RARS2: variants seen among roughly 807,000 people sequenced by gnomAD.
RARS2 encodes probable arginine--tRNA ligase, mitochondrial.
Under a neutral mutation model 88.5 loss-of-function variants are expected in RARS2, and 67 were observed. The observed-to-expected ratio is 0.76, with a 90% CI of 0.62 to 0.93. The LOEUF (loss-of-function observed/expected upper bound fraction) is 0.93, where lower values mean the gene tolerates loss of function less well. Among genes scored for constraint, RARS2 ranks in the 40% least tolerant of loss-of-function variants. The pLI is 0.00. For missense variants in RARS2, 664 were observed against 684.2 expected (o/e 0.97, Z 0.33); for synonymous variants, 239 against 230.3 (o/e 1.04, Z -0.34).
In RARS2 at chr6:87,514,472, G is replaced by A. The variant is rs562472225; in HGVS notation, c.1678C>T (p.Arg560Cys). ...GARLHLFKAVRSVLANGMKLL... is the reference protein window; with the variant it reads ...GARLHLFKAVCSVLANGMKLL... ...TTCATTCCATTGGCTAGGACAGAAC[G>A]GACAGCTTTGAAAAGATGAAGTCTG... Residue 560 changes from arginine to cysteine, a missense_variant, in exon 20 of 20, where the codon CGT becomes TGT. Arg to Cys is a radical substitution (Grantham distance 180). Coordinates refer to ENST00000369536, the MANE Select transcript of RARS2 (RefSeq NM_020320.5). 1.9e-4 allele frequency: 311 copies of A among 1,612,456 alleles called. 4 individuals are homozygous for A. In the South Asian group the frequency reaches 3.0e-3, roughly 15 times the overall value.
At chr6:87,552,099 C>T (rs10944316) in intron 5 of RARS2, among the ~76,000 whole-genome samples, 4,260 of 152,174 alleles carry the variant, frequency 0.028, 96 homozygotes, top group Non-Finnish European at 0.042. Context: ...GTTAAGTATA[C>T]AGGTTTCAGA....
In RARS2 at chr6:87,518,677, G is replaced by A. The variant is rs377000350; in HGVS notation, c.1368C>T (p.Arg456=). ...KFSWDRVFQS[R]GDTGVFLQYT... is the part of the protein sequence containing the mutation. ...ACTGTAGGAAGACTCCTGTGTCCCCGCGACTCTGGAAAACACGATCCCAGC... is the reference window on the plus strand; with the variant it reads ...ACTGTAGGAAGACTCCTGTGTCCCCACGACTCTGGAAAACACGATCCCAGC... Residue 456 remains arginine (R), a synonymous_variant, in exon 16 of 20, where the codon CGC becomes CGT. Transcript: ENST00000369536. 2.9e-5 allele frequency: 47 copies of A among 1,614,002 alleles called. No individual in the cohort carries two copies. The South Asian group carries it at 3.5e-4, about 12-fold the overall frequency.
At chr6:87,527,245 G>T (rs1776054671) in intron 10 of RARS2, among the ~76,000 whole-genome samples, 1 of 152,030 alleles carries the variant, frequency 6.6e-6, no homozygotes, top group Non-Finnish European at 1.5e-5. Context: ...GGAGGCAGTG[G>T]TTGCACTGAG....
chr6:87,585,732 A>AAAATAAATAAATAAATAAAT (rs59852322), intron 1 of RARS2, among the ~76,000 whole-genome samples: 235 of 151,078 alleles, frequency 1.6e-3, no homozygotes, highest in Middle Eastern at 6.8e-3. Flanking sequence ...ACTCCATCTC[A>AAAATAAATAAATAAATAAAT]AAATAAATAA....
At chr6:87,553,472 G>A (rs1020958477) in intron 5 of RARS2, among the ~76,000 whole-genome samples, 1 of 152,060 alleles carries the variant, frequency 6.6e-6, no homozygotes, top group Non-Finnish European at 1.5e-5. Flanking sequence ...AGGCTTTTGG[G>A]CCATCTGATC....
chr6:87,589,105 C>T (rs1428397524), intron 1 of RARS2, among the ~76,000 whole-genome samples: 2 of 152,344 alleles, frequency 1.3e-5, no homozygotes, highest in East Asian at 3.9e-4. Flanking sequence ...ATTACGTCCA[C>T]TAGTACATCC....
chr6:87,555,059 T>G (rs972152540), intron 5 of RARS2, among the ~76,000 whole-genome samples: 2 of 151,244 alleles, frequency 1.3e-5, no homozygotes, highest in Non-Finnish European at 1.5e-5. Flanking sequence ...AGCTGAGATC[T>G]CGCCACTCCA....
At chr6:87,556,281 G>A (rs929455452) in intron 4 of RARS2, among the ~76,000 whole-genome samples, 2 of 152,014 alleles carry the variant, frequency 1.3e-5, no homozygotes, top group Non-Finnish European at 2.9e-5. Context: ...AGTTGGTTTT[G>A]TTTCCCTAAC....
chr6:87,579,452 T>C (rs992598670), intron 1 of RARS2, among the ~76,000 whole-genome samples: 4 of 152,178 alleles, frequency 2.6e-5, no homozygotes, highest in South Asian at 2.1e-4. Flanking sequence ...ATAATTTTTA[T>C]AACTTCTAGG....
chr6:87,566,849 CAAAAAAAAAA>C lies in RARS2; in HGVS notation c.111-2627_111-2618del, dbSNP rs36032606. Among the ~76,000 whole-genome samples, 8 of 60,250 alleles carry C rather than the reference CAAAAAAAAAA, an allele frequency of 1.3e-4. No individual in the cohort carries two copies. The East Asian group carries it at 1.5e-3, about 12-fold the overall frequency. 39.5% of individuals were successfully genotyped at this position (60,250 alleles called of 152,430 possible). On this transcript the variant is annotated intron_variant, in intron 2 of 19. Transcript: ENST00000369536. Reference sequence around the variant, plus strand: ...CAACCAACAGAGCTAGGTCCTGTCTCAAAAAAAAAAAAAAAAAAAAAAAATGTGGACAAGG... The same window carrying C: ...CAACCAACAGAGCTAGGTCCTGTCTCAAAAAAAAAAAAAATGTGGACAAGG...
chr6:87,586,742 C>A (rs532301364), intron 1 of RARS2, among the ~76,000 whole-genome samples: 1 of 152,158 alleles, frequency 6.6e-6, no homozygotes, highest in Non-Finnish European at 1.5e-5. Context: ...CAAAACGATG[C>A]TCATTCGCAA....
chr6:87,538,700 C>G lies in RARS2; in HGVS notation c.612+3218G>C, dbSNP rs531511695. Reference sequence around the variant, plus strand: ...TCACTTGAAGCTAGGAGTTTGAGACCTGCCTGGACAGCATAGCAAGACCCT... The same window carrying G: ...TCACTTGAAGCTAGGAGTTTGAGACGTGCCTGGACAGCATAGCAAGACCCT... On this transcript the variant is annotated intron_variant, in intron 8 of 19. Transcript: ENST00000369536. 3.2e-3 allele frequency among the ~76,000 whole-genome samples: 487 copies of G among 151,900 alleles called. 1 individual carries two copies. Among genetic ancestry groups the G allele is most frequent in the South Asian group, 0.01 (50 of 4,802 alleles).
intron 8 of RARS2, 34 bp downstream of exon 8, chr6:87,541,884 G>A (rs983845955): frequency 3.3e-6 from 5 of 1,531,748 alleles, no homozygotes; most frequent in Non-Finnish European, 4.5e-6. Context: ...ATAGTACTCT[G>A]AAAAATTTTT....
chr6:87,517,191 T>C (rs958681463), intron 17 of RARS2, among the ~76,000 whole-genome samples: 5 of 146,776 alleles, frequency 3.4e-5, no homozygotes, highest in African/African-American at 1.4e-4. Flanking sequence ...GGCAGAAGAA[T>C]CACTTGACCC....
At chr6:87,588,525 T>A (rs894342158) in intron 1 of RARS2, among the ~76,000 whole-genome samples, 1 of 152,074 alleles carries the variant, frequency 6.6e-6, no homozygotes, top group Non-Finnish European at 1.5e-5. Flanking sequence ...AGGTGCACCA[T>A]CATGCCTGGC....
chr6:87,530,935 A>G lies in RARS2; in HGVS notation c.620T>C (p.Val207Ala). 6.2e-7 allele frequency: 1 copy of G among 1,614,140 alleles called. No homozygotes were observed. The highest frequency in any genetic ancestry group is 8.5e-7 in the Non-Finnish European group (1 of 1,180,014). The change falls in exon 9 of 20, where the codon GTA (valine) becomes GCA (alanine). Residue 207 changes from valine to alanine, a missense_variant. Coordinates refer to ENST00000369536, the MANE Select transcript of RARS2 (RefSeq NM_020320.5). ...NPLQHLFEVY[V>A]QVNKEAADDK... The stretch of plus-strand genomic sequence containing the variant: ...ATCTGCTGCTTCTTTATTAACTTGT[A>G]CATAAACCTAAAAGTACAATAGTAC...
rs112397330 is a variant in RARS2, at chr6:87,551,872, C to A, written c.396-3226G>T. Among the ~76,000 whole-genome samples, 1,465 of 152,216 alleles carry A rather than the reference C, an allele frequency of 9.6e-3. 11 individuals carry two copies. The highest frequency in any genetic ancestry group is 0.034 in the African/African-American group (1,406 of 41,516). The stretch of plus-strand genomic sequence containing the variant: ...AAAAGAAAAGAAAAGGCTACCACTG[C>A]TTCCCATGATCTTACAGAGCTGATT... On this transcript the variant is annotated intron_variant, in intron 5 of 19. Transcript: ENST00000369536.
At chr6:87,568,875 T>C (rs1364613476) in intron 2 of RARS2, among the ~76,000 whole-genome samples, 1 of 152,244 alleles carries the variant, frequency 6.6e-6, no homozygotes, top group Non-Finnish European at 1.5e-5. Context: ...AAATGACTAC[T>C]ATGTAGCTAA....
At chr6:87,552,355 G>C (rs1784588451) in intron 5 of RARS2, among the ~76,000 whole-genome samples, 1 of 152,098 alleles carries the variant, frequency 6.6e-6, no homozygotes, top group Admixed American at 6.6e-5. Context: ...AATCACAACA[G>C]CAAGAACTAT....
Sources: allele counts gnomAD v4.1 joint callset (sites outside exome capture counted in the v4.1 genomes callset), GRCh38; gene constraint gnomAD v4.1.1; transcripts MANE v1.5; gene names NCBI Gene and HGNC (gene_info 2026-07-23, HGNC 2026-07-21).